The following EPHA6 variants were observed in gnomAD, a reference collection of about 807,000 sequenced individuals.
EPHA6 encodes the protein ephrin type-A receptor 6.
A neutral mutation model predicts 112.0 loss-of-function variants in EPHA6; 50 were observed. The observed-to-expected ratio is 0.45, with a 90% CI of 0.36 to 0.56. EPHA6 has a LOEUF of 0.56. Ranked by LOEUF, EPHA6 falls within the 20% of genes least tolerant of loss-of-function variation. The probability of loss-of-function intolerance (pLI) is 0.00; values close to 1 mark genes in which losing one functional copy is unlikely to be tolerated. For synonymous variants in EPHA6, 529 were observed against 490.7 expected, an observed-to-expected ratio of 1.08 and a Z score of -1.03; for missense variants, 1,280 against 1,417.4, an observed-to-expected ratio of 0.90 and a Z score of 1.56.
At chr3:96,983,411 C>A (rs6809778) in intron 2 of EPHA6, among the ~76,000 whole-genome samples, 68 of 152,234 alleles carry the variant, frequency 4.5e-4, no homozygotes, top group Non-Finnish European at 8.7e-4. Context: ...AGAGTTTCTG[C>A]GGAGAGATCA....
At chr3:97,460,352 G>A (rs2090846300) in intron 7 of EPHA6, among the ~76,000 whole-genome samples, 1 of 152,102 alleles carries the variant, frequency 6.6e-6, no homozygotes, top group Non-Finnish European at 1.5e-5. Flanking sequence ...TTTCCTCATG[G>A]GAAAACTAGA....
At chr3:97,232,397 T>G (rs771264419) in intron 4 of EPHA6, among the ~76,000 whole-genome samples, 16 of 152,300 alleles carry the variant, frequency 1.1e-4, no homozygotes, top group Non-Finnish European at 1.3e-4. Flanking sequence ...ATTAGAAATT[T>G]TATGTTGATG....
intron 3 of EPHA6, among the ~76,000 whole-genome samples, chr3:97,031,991 T>G (rs1576356861): frequency 1.3e-5 from 2 of 152,152 alleles, no homozygotes; most frequent in Non-Finnish European, 2.9e-5. Context: ...TAAAGACACA[T>G]GCACACGTAT....
intron 14 of EPHA6, among the ~76,000 whole-genome samples, chr3:97,649,895 C>A (rs923161224): frequency 1.3e-5 from 2 of 152,010 alleles, no homozygotes; most frequent in African/African-American, 4.8e-5. Context: ...TGCGCTAATA[C>A]TAGGTTTCCT....
At chr3:97,182,400 T>C (rs1014281001) in intron 3 of EPHA6, among the ~76,000 whole-genome samples, 3 of 150,948 alleles carry the variant, frequency 2.0e-5, no homozygotes, top group African/African-American at 7.3e-5. Flanking sequence ...ATACACTTGC[T>C]TATTTAAAGG....
chr3:96,885,473 G>A (rs1036997943), intron 2 of EPHA6, among the ~76,000 whole-genome samples: 12 of 151,976 alleles, frequency 7.9e-5, no homozygotes, highest in African/African-American at 2.4e-5. Context: ...ATTTTTCCAG[G>A]AATTTATCCA....
chr3:97,227,938 G>T (rs2078408937), intron 4 of EPHA6, among the ~76,000 whole-genome samples: 2 of 152,148 alleles, frequency 1.3e-5, no homozygotes, highest in Admixed American at 1.3e-4. Context: ...CCACAGAAAG[G>T]GAGGGGCAGC....
chr3:97,120,291 ATTCT>A (rs1405980732), intron 3 of EPHA6, among the ~76,000 whole-genome samples: 3 of 152,010 alleles, frequency 2.0e-5, no homozygotes, highest in Non-Finnish European at 4.4e-5. Context: ...TCATAACAAA[ATTCT>A]TTCTCTTCTA....
chr3:96,819,873 G>C (rs1412076632), intron 1 of EPHA6, among the ~76,000 whole-genome samples: 2 of 152,008 alleles, frequency 1.3e-5, no homozygotes, highest in African/African-American at 4.8e-5. Flanking sequence ...TGATATTTGG[G>C]TAAGTAAATA....
At chr3:96,947,972 G>A (rs2041356391) in intron 2 of EPHA6, among the ~76,000 whole-genome samples, 1 of 152,180 alleles carries the variant, frequency 6.6e-6, no homozygotes, top group South Asian at 2.1e-4. Context: ...CAAAGCTGGA[G>A]GCATCACGCT....
Position 97,615,891 on chromosome 3 carries a change from A to C in EPHA6, c.2574+5037A>C, listed in dbSNP as rs565082124. On this transcript the variant is annotated intron_variant, in intron 13 of 17. Coordinates refer to ENST00000389672, the MANE Select transcript of EPHA6 (RefSeq NM_001080448.3). ...TTTGCTGTCCTGCAACTTAGTGGTT[A>C]CAGCTTCCGGGCTTTGGAGAGCCCA... Among the ~76,000 whole-genome samples, 6 of 152,178 alleles carry C rather than the reference A, an allele frequency of 3.9e-5. No individual in the cohort carries two copies. In the East Asian group the frequency reaches 7.7e-4, roughly 20 times the overall value.
chr3:96,905,108 C>A (rs2038861012), intron 2 of EPHA6, among the ~76,000 whole-genome samples: 1 of 151,918 alleles, frequency 6.6e-6, no homozygotes, highest in Non-Finnish European at 1.5e-5. Flanking sequence ...ATGTTAATTG[C>A]CTAGTTATTT....
chr3:97,225,475 ATTAT>A (rs752072257), intron 3 of EPHA6, among the ~76,000 whole-genome samples: 6 of 152,182 alleles, frequency 3.9e-5, no homozygotes, highest in Non-Finnish European at 7.4e-5. Flanking sequence ...TTTCTCATAT[ATTAT>A]TTATGTATTC....
intron 2 of EPHA6, among the ~76,000 whole-genome samples, chr3:96,971,091 G>A (rs577949644): frequency 6.6e-5 from 10 of 151,990 alleles, no homozygotes; most frequent in South Asian, 4.1e-4. Flanking sequence ...TTTATTTATC[G>A]TTAAGTAAGA....
intron 5 of EPHA6, among the ~76,000 whole-genome samples, chr3:97,293,512 A>C (rs887753440): frequency 6.6e-6 from 1 of 152,228 alleles, no homozygotes; most frequent in Non-Finnish European, 1.5e-5. Context: ...GGTCACCCCA[A>C]AGAGTCAATG....
In EPHA6 at chr3:97,075,139, G is replaced by T. The variant is rs181075662; in HGVS notation, c.1114+87146G>T. ...TAGTAGAGGAAAAAAGGGAATGAAAGAAATTCTGAGAGGCTTAGGTTATAC... is the reference window on the plus strand; with the variant it reads ...TAGTAGAGGAAAAAAGGGAATGAAATAAATTCTGAGAGGCTTAGGTTATAC... On this transcript the variant is annotated intron_variant, in intron 3 of 17. Transcript: ENST00000389672. Among the ~76,000 whole-genome samples the T allele has an allele frequency of 5.8e-3, 886 of 152,032 alleles. 6 individuals carry two copies. The highest frequency in any genetic ancestry group is 0.01 in the Middle Eastern group (3 of 294).
At chr3:97,388,550 C>T (rs1456197970) in intron 5 of EPHA6, among the ~76,000 whole-genome samples, 1 of 151,898 alleles carries the variant, frequency 6.6e-6, no homozygotes, top group Non-Finnish European at 1.5e-5. Context: ...ACAAATGGGC[C>T]CATAGGAGGA....
intron 12 of EPHA6, among the ~76,000 whole-genome samples, chr3:97,607,706 A>C (rs933041538): frequency 6.6e-6 from 1 of 151,164 alleles, no homozygotes; most frequent in Non-Finnish European, 1.5e-5. Context: ...CTTTAGTATG[A>C]TGCAAATACT....
chr3:96,987,689 G>C lies in EPHA6; in HGVS notation c.810G>C (p.Val270=). The change falls in exon 3 of 18, where the codon GTG becomes GTC. Residue 270 remains valine (V), a synonymous_variant. Coordinates refer to ENST00000389672, the MANE Select transcript of EPHA6 (RefSeq NM_001080448.3). ...ILKLNTEIRE[V]GPIERKGFYL... ...AACTCAACACTGAAATTCGTGAGGT[G>C]GGGCCTATAGAAAGGAAAGGATTTT... The C allele has an allele frequency of 6.2e-7, 1 of 1,606,482 alleles. No individual in the cohort carries two copies. Among genetic ancestry groups the C allele is most frequent in the Non-Finnish European group, 8.5e-7 (1 of 1,174,832 alleles).
Sources: allele counts gnomAD v4.1 joint callset (sites outside exome capture counted in the v4.1 genomes callset), GRCh38; gene constraint gnomAD v4.1.1; transcripts MANE v1.5; gene names NCBI Gene and HGNC (gene_info 2026-07-23, HGNC 2026-07-21).